CSMD1: variants seen among roughly 807,000 people sequenced by gnomAD.
CSMD1 encodes CUB and sushi domain-containing protein 1.
A neutral mutation model predicts 417.5 loss-of-function variants in CSMD1; 213 were observed. The observed-to-expected ratio is 0.51, with a 90% CI of 0.46 to 0.57. CSMD1 has a LOEUF of 0.57. CSMD1 is among the 20% of genes least tolerant of loss of function. CSMD1 has a pLI of 0.00. For missense variants in CSMD1, 6,923 were observed against 4,529.7 expected (o/e 1.53, Z -15.17); for synonymous variants, 2,862 against 1,736.8 (o/e 1.65, Z -16.11).
intron 3 of CSMD1, among the ~76,000 whole-genome samples, chr8:4,361,917 T>G (rs1437519850): frequency 1.3e-5 from 2 of 152,052 alleles, no homozygotes; most frequent in East Asian, 1.9e-4. Flanking sequence ...TTCACTCCAC[T>G]GCACGCCAAG....
intron 1 of CSMD1, among the ~76,000 whole-genome samples, chr8:4,848,201 G>C (rs749968312): frequency 6.6e-6 from 1 of 152,198 alleles, no homozygotes; most frequent in African/African-American, 2.4e-5. Context: ...AAATGGCACA[G>C]TTTGTCTATC....
chr8:4,809,336 G>A (rs1206289530), intron 1 of CSMD1, among the ~76,000 whole-genome samples: 3 of 152,176 alleles, frequency 2.0e-5, no homozygotes, highest in African/African-American at 7.2e-5. Context: ...AGTTTCCGGT[G>A]TATCACCATG....
chr8:3,428,781 T>C (rs1814018838), intron 12 of CSMD1, among the ~76,000 whole-genome samples: 1 of 152,092 alleles, frequency 6.6e-6, no homozygotes, highest in African/African-American at 2.4e-5. Flanking sequence ...TCATTCACAA[T>C]AGCCAAGATA....
At chr8:4,613,929 GAGA>G (rs1801329181) in intron 2 of CSMD1, among the ~76,000 whole-genome samples, 1 of 150,888 alleles carries the variant, frequency 6.6e-6, no homozygotes, top group Non-Finnish European at 1.5e-5. Flanking sequence ...AGTAGAGATA[GAGA>G]AGTTTTCTTT....
At chr8:3,238,597 G>A (rs1799299691) in intron 26 of CSMD1, among the ~76,000 whole-genome samples, 1 of 151,996 alleles carries the variant, frequency 6.6e-6, no homozygotes, top group Admixed American at 6.6e-5. Context: ...GTGGTAAGGG[G>A]TGATATTGTG....
At chr8:3,028,190 G>A (rs1485650128) in intron 51 of CSMD1, among the ~76,000 whole-genome samples, 1 of 152,226 alleles carries the variant, frequency 6.6e-6, no homozygotes, top group Admixed American at 6.5e-5. Context: ...AAATCGACAA[G>A]ATGATGTTGG....
chr8:4,900,860 C>A lies in CSMD1; in HGVS notation c.85+93472G>T, dbSNP rs983942849. Among the ~76,000 whole-genome samples the A allele has an allele frequency of 2.6e-5, 4 of 152,206 alleles. 1 individual carries two copies. Among genetic ancestry groups the A allele is most frequent in the Non-Finnish European group, 2.9e-5 (2 of 68,038 alleles). ...AATTTCTGTCCTTATGTAATGCACA[C>A]TTCCTTCAGTCGAGCACAGTCACCG... On this transcript the variant is annotated intron_variant, in intron 1 of 69. Coordinates refer to ENST00000635120, the MANE Select transcript of CSMD1 (RefSeq NM_033225.6).
intron 1 of CSMD1, among the ~76,000 whole-genome samples, chr8:4,780,318 T>A (rs576712017): frequency 3.3e-5 from 5 of 152,350 alleles, no homozygotes; most frequent in African/African-American, 4.8e-5. Context: ...AATGGGGCTT[T>A]GGCTCTACTG....
intron 9 of CSMD1, among the ~76,000 whole-genome samples, chr8:3,581,768 A>T (rs1217367136): frequency 2.0e-5 from 3 of 152,200 alleles, no homozygotes; most frequent in African/African-American, 7.2e-5. Flanking sequence ...CTAAGAATGA[A>T]TCAGGAAAAT....
At chr8:3,494,626 A>C (rs751798994) in intron 10 of CSMD1, among the ~76,000 whole-genome samples, 14 of 152,084 alleles carry the variant, frequency 9.2e-5, no homozygotes, top group Non-Finnish European at 1.9e-4. Flanking sequence ...TAGTAGATAG[A>C]TGACAGACTG....
At chr8:3,164,207 A>C (rs531859713) in intron 37 of CSMD1, among the ~76,000 whole-genome samples, 2 of 152,330 alleles carry the variant, frequency 1.3e-5, no homozygotes, top group East Asian at 3.9e-4. Flanking sequence ...AAGCAGTGGT[A>C]CATAAACTAG....
At chr8:3,671,428 T>C (rs79746270) in intron 7 of CSMD1, among the ~76,000 whole-genome samples, 9,852 of 123,102 alleles carry the variant, frequency 0.08, 838 homozygotes, top group South Asian at 0.11. Flanking sequence ...CAGTACTATA[T>C]ATATAGTCAC....
intron 12 of CSMD1, 93 bp from the exon 13 acceptor site, chr8:3,409,698 T>C (rs940174463): frequency 3.0e-6 from 3 of 989,988 alleles, no homozygotes; most frequent in Non-Finnish European, 4.3e-6. Flanking sequence ...TGGCTTCTTT[T>C]TGCTGAACTA....
At chr8:3,475,065 C>T (rs1001700376) in intron 11 of CSMD1, among the ~76,000 whole-genome samples, 5 of 152,182 alleles carry the variant, frequency 3.3e-5, no homozygotes, top group South Asian at 2.1e-4. Flanking sequence ...GGCATTTCTC[C>T]GTTCCCAGGG....
intron 42 of CSMD1, among the ~76,000 whole-genome samples, chr8:3,116,287 G>C (rs1258534199): frequency 2.0e-5 from 3 of 152,016 alleles, no homozygotes; most frequent in Admixed American, 2.0e-4. Context: ...TTCTTTATTA[G>C]GTTTACGAGT....
At chr8:4,075,836 G>C (rs897123339) in intron 3 of CSMD1, among the ~76,000 whole-genome samples, 1 of 152,144 alleles carries the variant, frequency 6.6e-6, no homozygotes, top group Non-Finnish European at 1.5e-5. Flanking sequence ...GAAAAAGGAA[G>C]CAGGCTATTG....
intron 3 of CSMD1, among the ~76,000 whole-genome samples, chr8:4,369,645 T>C (rs1802287716): frequency 6.6e-6 from 1 of 152,228 alleles, no homozygotes; most frequent in Admixed American, 6.5e-5. Flanking sequence ...ACTTAACTAC[T>C]TAAAATAGTT....
At chr8:4,978,964 A>G (rs1810721922) in intron 1 of CSMD1, among the ~76,000 whole-genome samples, 1 of 152,224 alleles carries the variant, frequency 6.6e-6, no homozygotes, top group Non-Finnish European at 1.5e-5. Flanking sequence ...GGATCTTTAG[A>G]AAAAATAACT....
chr8:3,332,104 G>C (rs1364256435), intron 23 of CSMD1, among the ~76,000 whole-genome samples: 1 of 152,188 alleles, frequency 6.6e-6, no homozygotes, highest in Non-Finnish European at 1.5e-5. Flanking sequence ...TAGATACGTA[G>C]GGATAGATGA....
Sources: allele counts gnomAD v4.1 joint callset (sites outside exome capture counted in the v4.1 genomes callset), GRCh38; gene constraint gnomAD v4.1.1; transcripts MANE v1.5; gene names NCBI Gene and HGNC (gene_info 2026-07-23, HGNC 2026-07-21).